SLCO5A1: variants seen among roughly 807,000 people sequenced by gnomAD.
SLCO5A1 encodes the protein solute carrier organic anion transporter family member 5A1, also known as organic anion transporter polypeptide-related protein 4.
In SLCO5A1, 39 loss-of-function variants were observed where a neutral mutation model predicts 65.1. The observed-to-expected ratio is 0.60, with a 90% CI of 0.46 to 0.78. The LOEUF (loss-of-function observed/expected upper bound fraction) is 0.78. SLCO5A1 is among the 30% of genes least tolerant of loss of function. SLCO5A1 has a pLI of 0.00. For synonymous variants in SLCO5A1, 438 were observed against 415.7 expected (o/e 1.05, Z -0.65); for missense variants, 1,029 against 1,069.4 (o/e 0.96, Z 0.53).
In SLCO5A1 at chr8:69,753,777, G is replaced by A. The variant is rs148412758; in HGVS notation, c.1258+1647C>T. 2.9e-4 allele frequency among the ~76,000 whole-genome samples: 44 copies of A among 152,006 alleles called. No homozygotes were observed. In the East Asian group the frequency reaches 6.6e-3, roughly 23 times the overall value. ...TGTAATCCCAGCACTTTGAGAGGCC[G>A]AGGAGGGTGGATCACCTGAGGTCAG... On this transcript the variant is annotated intron_variant, in intron 4 of 9. Coordinates refer to ENST00000260126, the MANE Select transcript of SLCO5A1 (RefSeq NM_030958.3).
intron 5 of SLCO5A1, among the ~76,000 whole-genome samples, chr8:69,708,551 A>C (rs1286727895): frequency 9.1e-6 from 1 of 110,464 alleles, no homozygotes; most frequent in Non-Finnish European, 1.9e-5. Flanking sequence ...CAAGAGCAAG[A>C]CACTGTTTCA....
At chr8:69,710,576 A>G (rs1419465224) in intron 5 of SLCO5A1, among the ~76,000 whole-genome samples, 3 of 152,148 alleles carry the variant, frequency 2.0e-5, no homozygotes, top group Non-Finnish European at 4.4e-5. Context: ...AATGTGATTA[A>G]TTTACCTTTA....
intron 9 of SLCO5A1, 123 bp downstream of exon 9, chr8:69,676,486 C>T: frequency 1.4e-6 from 1 of 736,294 alleles, no homozygotes; most frequent in East Asian, 2.8e-5. Context: ...GTACCCTCAC[C>T]ACTAGCCTGT....
intron 2 of SLCO5A1, among the ~76,000 whole-genome samples, chr8:69,824,403 G>C (rs1255063799): frequency 2.0e-5 from 3 of 152,078 alleles, no homozygotes; most frequent in Non-Finnish European, 2.9e-5. Flanking sequence ...GAAGAAAAGA[G>C]AGAAGAATCA....
intron 2 of SLCO5A1, among the ~76,000 whole-genome samples, chr8:69,806,316 A>G (rs1287074757): frequency 6.6e-6 from 1 of 152,236 alleles, no homozygotes; most frequent in Non-Finnish European, 1.5e-5. Flanking sequence ...TCCTTGATTT[A>G]TAGCACTTGC....
At chr8:69,720,740 G>A (rs1023830441) in intron 5 of SLCO5A1, among the ~76,000 whole-genome samples, 1 of 152,306 alleles carries the variant, frequency 6.6e-6, no homozygotes, top group Non-Finnish European at 1.5e-5. Context: ...CATAGAATTT[G>A]GAAGGGCGCT....
rs1816632320 is a variant in SLCO5A1, at chr8:69,738,022, C to T, written c.1423+18G>A. On this transcript the variant is annotated intron_variant, in intron 5 of 9. Transcript: ENST00000260126. The stretch of plus-strand genomic sequence containing the variant: ...AAAATGATCATGTTTTCAAGCAGCC[C>T]TAGCGGCAGTGCCTTACCAGTGTAG... 7 of 1,609,892 alleles carry T rather than the reference C, an allele frequency of 4.3e-6. No homozygotes were observed. Among genetic ancestry groups the T allele is most frequent in the African/African-American group, 1.3e-5 (1 of 74,680 alleles).
chr8:69,804,893 G>T (rs1819924401), intron 2 of SLCO5A1, among the ~76,000 whole-genome samples: 1 of 152,160 alleles, frequency 6.6e-6, no homozygotes, highest in Non-Finnish European at 1.5e-5. Flanking sequence ...CCGGGCTCCT[G>T]CCAGAGAAAC....
At chr8:69,824,744 A>G (rs547400222) in intron 2 of SLCO5A1, among the ~76,000 whole-genome samples, 1 of 152,340 alleles carries the variant, frequency 6.6e-6, no homozygotes, top group South Asian at 2.1e-4. Context: ...TCCAATCAAT[A>G]GAAAAAGAGG....
chr8:69,805,934 T>C (rs1235700498), intron 2 of SLCO5A1, among the ~76,000 whole-genome samples: 1 of 152,228 alleles, frequency 6.6e-6, no homozygotes, highest in African/African-American at 2.4e-5. Context: ...GAAAGGAAAC[T>C]CTTGTTTCTC....
chr8:69,673,319 A>G lies in SLCO5A1; in HGVS notation c.2097T>C (p.Ile699=). The change falls in exon 10 of 10, where the codon ATT becomes ATC. Residue 699 remains isoleucine, a synonymous_variant. Transcript: ENST00000260126. ...CTGCTCCAAAGTAGATTGGAGTAGG[A>G]ATGTATGCTAGAGGGGTGGAGAAGA... is the stretch of plus-strand genomic sequence containing the variant. The part of the protein sequence containing the change: ...QFVLLRTLAY[I]PTPIYFGAVI... 6.2e-7 allele frequency: 1 copy of G among 1,612,762 alleles called. No individual in the cohort carries two copies. Among genetic ancestry groups the G allele is most frequent in the Middle Eastern group, 1.7e-4 (1 of 6,060 alleles).
chr8:69,789,691 C>G (rs112115212), intron 2 of SLCO5A1, among the ~76,000 whole-genome samples: 70 of 152,198 alleles, frequency 4.6e-4, no homozygotes, highest in African/African-American at 1.6e-3. Flanking sequence ...TAGCTGCTGT[C>G]TTATCACCAA....
At chr8:69,724,337 C>G (rs139147202) in intron 5 of SLCO5A1, among the ~76,000 whole-genome samples, 1 of 152,172 alleles carries the variant, frequency 6.6e-6, no homozygotes, top group East Asian at 1.9e-4. Context: ...ACAAATTGTC[C>G]CTTGCACAGG....
intron 2 of SLCO5A1, among the ~76,000 whole-genome samples, chr8:69,787,556 A>G (rs1049562068): frequency 2.0e-5 from 3 of 152,248 alleles, no homozygotes; most frequent in African/African-American, 7.2e-5. Flanking sequence ...CTGAGGATGT[A>G]TGTTATGTAA....
chr8:69,691,633 C>T (rs1045611473), intron 6 of SLCO5A1, among the ~76,000 whole-genome samples: 2 of 152,190 alleles, frequency 1.3e-5, no homozygotes, highest in Non-Finnish European at 2.9e-5. Context: ...CAAGGTTCAT[C>T]TATGTTGTTG....
chr8:69,775,037 T>C (rs988620230), intron 2 of SLCO5A1, among the ~76,000 whole-genome samples: 1 of 152,150 alleles, frequency 6.6e-6, no homozygotes, highest in Non-Finnish European at 1.5e-5. Flanking sequence ...TTATTTTAAG[T>C]GATTCCATTA....
intron 5 of SLCO5A1, among the ~76,000 whole-genome samples, chr8:69,708,786 C>G (rs1815087175): frequency 6.6e-6 from 1 of 152,070 alleles, no homozygotes; most frequent in Non-Finnish European, 1.5e-5. Context: ...TGCCTGTAAT[C>G]TCAGTTACTC....
intron 3 of SLCO5A1, 39 bp downstream of exon 3, chr8:69,761,704 G>A (rs767151898): frequency 1.3e-6 from 2 of 1,598,394 alleles, no homozygotes; most frequent in Admixed American, 3.5e-5. Context: ...ACTATTATTA[G>A]TAAGAACTGA....
rs1418004020 is a variant in SLCO5A1 at position 69,671,826 on chromosome 8, GCA to G, written c.*1041_*1042del. 6.6e-6 allele frequency: 1 copy of G among 152,060 alleles called. No homozygotes were observed. The highest frequency in any genetic ancestry group is 1.5e-5 in the Non-Finnish European group (1 of 68,006). 9.4% of individuals were successfully genotyped at this position (152,060 alleles called of 1,614,324 possible). On this transcript the variant is annotated 3_prime_UTR_variant, in exon 10 of 10. Transcript: ENST00000260126. The stretch of plus-strand genomic sequence containing the variant: ...ATTCTAAGTGATTTTCATATCCCAG[GCA>G]CAGATTTCCTGATATAAGTATGCAT...
Sources: gnomAD v4.1 joint callset for allele counts (sites outside exome capture counted in the v4.1 genomes callset) on GRCh38, gnomAD v4.1.1 for gene constraint, MANE v1.5 for transcripts, NCBI Gene and HGNC (gene_info 2026-07-23, HGNC 2026-07-21) for gene names.